The following DPP10 variants were observed in gnomAD, a reference collection of about 807,000 sequenced individuals.
The protein encoded by DPP10 is inactive dipeptidyl peptidase 10.
In DPP10, 33 loss-of-function variants were observed where a neutral mutation model predicts 120.9. The observed-to-expected ratio is 0.27, with a 90% CI of 0.21 to 0.37. The LOEUF is 0.37. Ranked by LOEUF, DPP10 falls within the 10% of genes least tolerant of loss-of-function variation. DPP10 has a pLI of 1.00. For synonymous variants in DPP10, 337 were observed against 326.1 expected, an observed-to-expected ratio of 1.03 and a Z score of -0.36; for missense variants, 816 against 942.8, an observed-to-expected ratio of 0.87 and a Z score of 1.76.
chr2:115,047,647 C>T (rs1377894292), intron 1 of DPP10, among the ~76,000 whole-genome samples: 1 of 151,658 alleles, frequency 6.6e-6, no homozygotes, highest in Non-Finnish European at 1.5e-5. Flanking sequence ...AAAAAAGCAC[C>T]TTGATATGAA....
In DPP10 at chr2:115,784,848, A is replaced by G. The variant is rs551837340; in HGVS notation, c.1531+2449A>G. 5.3e-5 allele frequency among the ~76,000 whole-genome samples: 8 copies of G among 152,290 alleles called. No homozygotes were observed. In the East Asian group the frequency reaches 1.3e-3, roughly 26 times the overall value. On this transcript the variant is annotated intron_variant, in intron 17 of 25. Transcript: ENST00000410059. Reference sequence around the variant, plus strand: ...TGCCTAGCAGAAACTTAATTCTTTTATATCATTTTTTCATTTTTGTAGTTT... The same window carrying G: ...TGCCTAGCAGAAACTTAATTCTTTTGTATCATTTTTTCATTTTTGTAGTTT...
intron 21 of DPP10, among the ~76,000 whole-genome samples, chr2:115,831,499 A>C (rs543567770): frequency 6.6e-6 from 1 of 152,094 alleles, no homozygotes; most frequent in Non-Finnish European, 1.5e-5. Context: ...CGGCCTCCCA[A>C]AGTGCTGGGA....
intron 1 of DPP10, among the ~76,000 whole-genome samples, chr2:114,757,481 C>T (rs930879141): frequency 7.9e-5 from 12 of 151,906 alleles, no homozygotes; most frequent in African/African-American, 1.7e-4. Flanking sequence ...AGTTTGCATA[C>T]CAGGCTGTGC....
chr2:114,859,653 G>A (rs950473791), intron 1 of DPP10, among the ~76,000 whole-genome samples: 1 of 152,172 alleles, frequency 6.6e-6, no homozygotes, highest in Admixed American at 6.5e-5. Context: ...ACACAAATAT[G>A]CATCTACAAA....
At chr2:115,145,832 T>C (rs1479907810) in intron 1 of DPP10, among the ~76,000 whole-genome samples, 1 of 152,142 alleles carries the variant, frequency 6.6e-6, no homozygotes, top group Non-Finnish European at 1.5e-5. Context: ...TTATTTTCAA[T>C]TTTAGCATTC....
chr2:115,474,907 A>G (rs774094177), intron 3 of DPP10, among the ~76,000 whole-genome samples: 3 of 152,142 alleles, frequency 2.0e-5, no homozygotes, highest in Non-Finnish European at 4.4e-5. Flanking sequence ...GGAGGACTGA[A>G]TGGTTTCATG....
chr2:114,455,156 TTGTG>T (rs141717813), intron 1 of DPP10, among the ~76,000 whole-genome samples: 46 of 147,478 alleles, frequency 3.1e-4, no homozygotes, highest in Admixed American at 1.6e-3. Context: ...TTTCTTTCTA[TTGTG>T]TGTGTGTGTG....
At chr2:115,369,612 G>C (rs1252646825) in intron 3 of DPP10, among the ~76,000 whole-genome samples, 1 of 152,052 alleles carries the variant, frequency 6.6e-6, no homozygotes. Context: ...ATCTGTTTAA[G>C]ACAAGAAGTA....
chr2:114,631,766 TA>T (rs939528356), intron 1 of DPP10, among the ~76,000 whole-genome samples: 22 of 151,648 alleles, frequency 1.5e-4, no homozygotes, highest in African/African-American at 4.8e-4. Context: ...TTATTGGGAC[TA>T]AAAAAAAATC....
At chr2:115,734,724 A>T (rs141666085) in intron 8 of DPP10, among the ~76,000 whole-genome samples, 2 of 151,116 alleles carry the variant, frequency 1.3e-5, no homozygotes, top group East Asian at 3.9e-4. Context: ...GCATGCATAT[A>T]TATACACACA....
intron 7 of DPP10, among the ~76,000 whole-genome samples, chr2:115,711,175 T>G (rs1270758050): frequency 6.6e-6 from 1 of 152,012 alleles, no homozygotes; most frequent in Non-Finnish European, 1.5e-5. Flanking sequence ...GGGGAGTGAA[T>G]AGTGGATTCG....
intron 3 of DPP10, among the ~76,000 whole-genome samples, chr2:115,449,061 T>C (rs981579519): frequency 5.3e-4 from 80 of 152,180 alleles, no homozygotes; most frequent in African/African-American, 1.8e-3. Flanking sequence ...GATTTTCATA[T>C]AAAAGAAAAA....
At chr2:114,517,611 C>A (rs1684705605) in intron 1 of DPP10, among the ~76,000 whole-genome samples, 1 of 152,072 alleles carries the variant, frequency 6.6e-6, no homozygotes, top group South Asian at 2.1e-4. Flanking sequence ...ATTTTTATTA[C>A]CAGTTTACAT....
At chr2:114,815,749 G>A (rs923575268) in intron 1 of DPP10, among the ~76,000 whole-genome samples, 4 of 152,190 alleles carry the variant, frequency 2.6e-5, no homozygotes, top group Middle Eastern at 6.8e-3. Context: ...GTAGGCTGGT[G>A]CACTGAAAAC....
At chr2:114,715,642 A>ACTGTTAATCAGAATG (rs1701299572) in intron 1 of DPP10, among the ~76,000 whole-genome samples, 1 of 152,142 alleles carries the variant, frequency 6.6e-6, no homozygotes, top group African/African-American at 2.4e-5. Flanking sequence ...GAATAAAGCT[A>ACTGTTAATCAGAATG]CTGTTAATCA....
intron 1 of DPP10, among the ~76,000 whole-genome samples, chr2:115,085,576 A>T: frequency 6.6e-6 from 1 of 152,326 alleles, no homozygotes; most frequent in South Asian, 2.1e-4. Context: ...TGAAAAAGCC[A>T]AATTTCAAAC....
At chr2:115,735,297 A>T (rs1014586653) in intron 8 of DPP10, among the ~76,000 whole-genome samples, 3 of 152,150 alleles carry the variant, frequency 2.0e-5, no homozygotes, top group Non-Finnish European at 2.9e-5. Context: ...GAAATCTGTA[A>T]ACATAGCCAC....
At chr2:114,912,303 T>C (rs1432154919) in intron 1 of DPP10, among the ~76,000 whole-genome samples, 1 of 152,178 alleles carries the variant, frequency 6.6e-6, no homozygotes, top group African/African-American at 2.4e-5. Context: ...GTGATTCATA[T>C]TTTCATGATT....
chr2:115,441,711 T>C (rs1443209910), intron 3 of DPP10, among the ~76,000 whole-genome samples: 2 of 152,134 alleles, frequency 1.3e-5, no homozygotes, highest in African/African-American at 2.4e-5. Flanking sequence ...TGCATACATG[T>C]GGAGGGACAG....
Sources: gnomAD v4.1 joint callset for allele counts (sites outside exome capture counted in the v4.1 genomes callset) on GRCh38, gnomAD v4.1.1 for gene constraint, MANE v1.5 for transcripts, NCBI Gene and HGNC (gene_info 2026-07-23, HGNC 2026-07-21) for gene names.